Variants in HTT observed in about 807,000 individuals in gnomAD.
The protein encoded by HTT is huntington disease protein.
A neutral mutation model predicts 362.3 loss-of-function variants in HTT; 104 were observed. That is an observed-to-expected ratio of 0.29 (90% CI 0.24 to 0.34). The LOEUF is 0.34. HTT is among the 10% of genes least tolerant of loss of function. The pLI is 1.00. For missense variants in HTT, 3,301 were observed against 3,928.6 expected, an observed-to-expected ratio of 0.84 and a Z score of 4.27; for synonymous variants, 1,577 against 1,548.7, an observed-to-expected ratio of 1.02 and a Z score of -0.43.
At chr4:3,151,440 T>G (rs1716888296) in intron 26 of HTT, among the ~76,000 whole-genome samples, 2 of 143,926 alleles carry the variant, frequency 1.4e-5, no homozygotes, top group East Asian at 2.0e-4. Flanking sequence ...GTAGGGGGAG[T>G]TGCTACACAA....
At chr4:3,151,058 A>C (rs898747340) in intron 26 of HTT, among the ~76,000 whole-genome samples, 61 of 151,410 alleles carry the variant, frequency 4.0e-4, no homozygotes, top group Admixed American at 1.8e-3. Context: ...ACAAAACAAA[A>C]AAAAAAAAAA....
Position 3,207,266 on chromosome 4 carries a change from G to GT in HTT, c.6076-10dup. The stretch of plus-strand genomic sequence containing the variant: ...TTAGGTGTTACAAACACACTAATGT[G>GT]TTTTTGTCTATTAGAGCAGCATGGC... On this transcript the variant is annotated splice_polypyrimidine_tract_variant and intron_variant, in intron 44 of 66. Transcript: ENST00000355072. 6.2e-7 allele frequency: 1 copy of GT among 1,611,632 alleles called. No homozygotes were observed. The highest frequency in any genetic ancestry group is 8.5e-7 in the Non-Finnish European group (1 of 1,178,058).
chr4:3,101,017 C>A (rs1044717108), intron 3 of HTT, among the ~76,000 whole-genome samples: 2 of 152,210 alleles, frequency 1.3e-5, no homozygotes, highest in Non-Finnish European at 2.9e-5. Context: ...GTGTGAGCCA[C>A]TGTGCCTGGC....
chr4:3,217,920 C>G lies in HTT; in HGVS notation c.7210C>G (p.Leu2404Val). The change falls in exon 52 of 67, where the codon CTT becomes GTT. Residue 2404 changes from leucine (L) to valine (V), a missense_variant. Leu to Val is a conservative substitution (Grantham distance 32, BLOSUM62 1). This residue lies in a region of HTT where 753 missense variants were observed against 1,021.3 expected (regional missense o/e 0.74). Transcript: ENST00000355072. Reference protein sequence around the residue: ...NIIISLARLPLVNSYTRVPPL... With the variant: ...NIIISLARLPVVNSYTRVPPL... ...CATCATCAGCCTGGCCCGCCTGCCC[C>G]TTGTCAACAGCTACACACGTGTGCC... The G allele has an allele frequency of 2.5e-6, 4 of 1,613,338 alleles. No individual in the cohort carries two copies. Among genetic ancestry groups the G allele is most frequent in the African/African-American group, 1.3e-5 (1 of 75,052 alleles).
intron 9 of HTT, among the ~76,000 whole-genome samples, chr4:3,121,971 G>C (rs1352887072): frequency 6.6e-6 from 1 of 152,254 alleles, no homozygotes; most frequent in Non-Finnish European, 1.5e-5. Flanking sequence ...TGCCTTGGCT[G>C]CCTCCTGTGG....
chr4:3,149,984 C>T (rs941287412), intron 26 of HTT, among the ~76,000 whole-genome samples: 5 of 152,188 alleles, frequency 3.3e-5, no homozygotes, highest in Non-Finnish European at 5.9e-5. Context: ...ATCCTGCAGG[C>T]TGCTACCCCC....
chr4:3,222,292 T>C, intron 53 of HTT, 95 bp from the exon 54 acceptor site: 1 of 992,988 alleles, frequency 1.0e-6, no homozygotes. Flanking sequence ...CGTGGAGCCT[T>C]CTCCAGGGGC....
intron 22 of HTT, among the ~76,000 whole-genome samples, chr4:3,141,140 C>T (rs1003572351): frequency 6.6e-6 from 1 of 152,204 alleles, no homozygotes; most frequent in African/African-American, 2.4e-5. Flanking sequence ...CCACATATAT[C>T]CCATTCTTAT....
At position 3,206,175 on chromosome 4, in the gene HTT, G is replaced by A. The variant is rs1044626236; in HGVS notation, c.5719-321G>A. On this transcript the variant is annotated intron_variant, in intron 42 of 66. Coordinates refer to ENST00000355072, the MANE Select transcript of HTT (RefSeq NM_001388492.1). The surrounding 1 kb of genome is among the most constrained non-coding windows in gnomAD (Gnocchi z 4.6). ...GCGCAACGCTGCCCCTGCTACCTGC[G>A]GATCTCGCTGAGGCCTGCCTTTGTC... Among the ~76,000 whole-genome samples, 1 of 152,328 alleles carries A rather than the reference G, an allele frequency of 6.6e-6. No homozygotes were observed. The highest frequency in any genetic ancestry group is 2.4e-5 in the African/African-American group (1 of 41,566).
At chr4:3,223,289 T>C in intron 54 of HTT, 117 bp from the exon 55 acceptor site, 1 of 992,824 alleles carries the variant, frequency 1.0e-6, no homozygotes. Flanking sequence ...AGAAATCCTT[T>C]GGTAGCACTT....
At chr4:3,160,192 C>T in intron 28 of HTT, 90 bp from the exon 29 acceptor site, 1 of 832,280 alleles carries the variant, frequency 1.2e-6, no homozygotes, top group Non-Finnish European at 2.0e-6. Flanking sequence ...GAGGCATCTG[C>T]TGCAGCCGTC....
Position 3,240,301 on chromosome 4 carries a change from C to G in HTT, c.*242C>G, listed in dbSNP as rs1341328904. 3 of 573,304 alleles carry G rather than the reference C, an allele frequency of 5.2e-6. No homozygotes were observed. Among genetic ancestry groups the G allele is most frequent in the African/African-American group, 1.9e-5 (1 of 53,290 alleles). The allele number at this position is 573,304 out of a possible 1,614,324, so 35.5% of individuals were successfully genotyped here. A position where few individuals can be genotyped will look rare whatever the true frequency, so the allele number is the denominator to read the frequency against. ...CCTGAGGCCTTCCAGAAAGCAGGAG[C>G]AGCTGTGCTGCACCCCATGTGGGTG... On this transcript the variant is annotated 3_prime_UTR_variant, in exon 67 of 67. Transcript: ENST00000355072.
intron 22 of HTT, 52 bp downstream of exon 22, chr4:3,140,708 A>G (rs1347320863): frequency 1.9e-6 from 3 of 1,549,958 alleles, no homozygotes; most frequent in Non-Finnish European, 1.8e-6. Flanking sequence ...CCCTTTCCTG[A>G]TGCCTTTCTT....
Position 3,074,725 on chromosome 4 carries a change from T to C in HTT, c.-101T>C. 3.1e-6 allele frequency: 4 copies of C among 1,292,332 alleles called. No homozygotes were observed. Among genetic ancestry groups the C allele is most frequent in the Non-Finnish European group, 4.1e-6 (4 of 967,434 alleles). 80.1% of individuals were successfully genotyped at this position (1,292,332 alleles called of 1,614,324 possible). A position where few individuals can be genotyped will look rare whatever the true frequency, so the allele number is the denominator to read the frequency against. ...GATGGACGGCCGCTCAGGTTCTGCTTTTACCTGCGGCCCAGAGCCCCATTC... is the reference window on the plus strand; with the variant it reads ...GATGGACGGCCGCTCAGGTTCTGCTCTTACCTGCGGCCCAGAGCCCCATTC... On this transcript the variant is annotated 5_prime_UTR_variant, in exon 1 of 67. Transcript: ENST00000355072.
intron 1 of HTT, among the ~76,000 whole-genome samples, chr4:3,075,648 A>AGGGGG (rs368641776): frequency 5.5e-5 from 3 of 54,354 alleles, no homozygotes; most frequent in African/African-American, 6.1e-5. Flanking sequence ...GTGGCGGGGC[A>AGGGGG]GGGGGGGGGC....
At position 3,181,593 on chromosome 4, in the gene HTT, T is replaced by C. The variant is rs141564962; in HGVS notation, c.4750-761T>C. Among the ~76,000 whole-genome samples the C allele has an allele frequency of 1.8e-3, 276 of 152,334 alleles. 3 individuals carry two copies. The highest frequency in any genetic ancestry group is 0.017 in the Admixed American group (265 of 15,302). On this transcript the variant is annotated intron_variant, in intron 36 of 66. Coordinates refer to ENST00000355072, the MANE Select transcript of HTT (RefSeq NM_001388492.1). ...TTCTTTTTAGCTGTTTGTCTTTGAA[T>C]CTTCATAAAGCCATAGCTTTTCTCA...
intron 40 of HTT, among the ~76,000 whole-genome samples, chr4:3,193,767 T>C (rs918193989): frequency 2.6e-5 from 4 of 152,238 alleles, no homozygotes; most frequent in Non-Finnish European, 4.4e-5. Context: ...TTTAATTAAC[T>C]TAAATTTAAA....
rs148943730 is a variant in HTT at position 3,078,485 on chromosome 4, G to A, written c.263+3397G>A. Among the ~76,000 whole-genome samples the A allele has an allele frequency of 1.9e-3, 285 of 152,302 alleles. 1 individual carries two copies. The highest frequency in any genetic ancestry group is 6.8e-3 in the Middle Eastern group (2 of 294). On this transcript the variant is annotated intron_variant, in intron 1 of 66. Coordinates refer to ENST00000355072, the MANE Select transcript of HTT (RefSeq NM_001388492.1). ...TTTTATTTTTAAAAAAATTGTTAAGGGCTTTCCAGCAAAACCCAGAAAGCC... is the reference window on the plus strand; with the variant it reads ...TTTTATTTTTAAAAAAATTGTTAAGAGCTTTCCAGCAAAACCCAGAAAGCC...
Position 3,130,253 on chromosome 4 carries a change from T to C in HTT, c.1868-52T>C, listed in dbSNP as rs867807602. On this transcript the variant is annotated intron_variant, in intron 13 of 66. Transcript: ENST00000355072. ...AGTTATCTTAGCATAAATGTATAAT[T>C]GTATTTTAAGTGGAAATTTGTCACT... The C allele has an allele frequency of 8.5e-6, 10 of 1,178,906 alleles. No individual in the cohort carries two copies. In the African/African-American group the frequency reaches 1.1e-4, roughly 13 times the overall value. 73.0% of individuals were successfully genotyped at this position (1,178,906 alleles called of 1,614,324 possible).
Sources: gnomAD v4.1 joint callset for allele counts (sites outside exome capture counted in the v4.1 genomes callset) on GRCh38, gnomAD v4.1.1 for gene constraint, gnomAD v4.1.1 regional missense constraint, Gnocchi (gnomAD v3.1) non-coding constraint, MANE v1.5 for transcripts, NCBI Gene and HGNC (gene_info 2026-07-23, HGNC 2026-07-21) for gene names.